Variants in MBOAT2 observed in about 807,000 individuals in gnomAD.
The protein encoded by MBOAT2 is membrane-bound glycerophospholipid O-acyltransferase 2.
MBOAT2 carries 28 observed loss-of-function variants against 63.4 expected under a neutral mutation model. The observed-to-expected ratio is 0.44, with a 90% confidence interval of 0.33 to 0.61. MBOAT2 has a LOEUF of 0.61. Among genes scored for constraint, MBOAT2 ranks in the 20% least tolerant of loss-of-function variants. MBOAT2 has a pLI of 0.03. For synonymous variants in MBOAT2, 211 were observed against 215.6 expected (o/e 0.98, Z 0.19); for missense variants, 470 against 605.8 (o/e 0.78, Z 2.35).
At chr2:8,916,848 T>C (rs982804135) in intron 3 of MBOAT2, among the ~76,000 whole-genome samples, 1 of 152,226 alleles carries the variant, frequency 6.6e-6, no homozygotes, top group Non-Finnish European at 1.5e-5. Context: ...TTTTGTTTTA[T>C]AGTGTTTTAT....
intron 4 of MBOAT2, among the ~76,000 whole-genome samples, chr2:8,895,271 CCCATTTTACAGAGTGCTGATTGGT>C (rs1376987785): frequency 1.1e-4 from 17 of 151,822 alleles, no homozygotes; most frequent in Non-Finnish European, 1.8e-4. Flanking sequence ...TGCTGATTGG[CCCATTTTACAGAGTGCTGATTGGT>C]CCATTTTACA....
chr2:8,915,320 G>A (rs937052289), intron 3 of MBOAT2, among the ~76,000 whole-genome samples: 9 of 152,038 alleles, frequency 5.9e-5, no homozygotes, highest in Admixed American at 4.6e-4. Flanking sequence ...AAAGGAAAAC[G>A]GACCCAGCTG....
chr2:8,941,666 A>G (rs940682764), intron 3 of MBOAT2, among the ~76,000 whole-genome samples: 1 of 152,150 alleles, frequency 6.6e-6, no homozygotes, highest in Non-Finnish European at 1.5e-5. Flanking sequence ...AAAAAAAAAA[A>G]AAGAAATGTG....
At chr2:8,860,545 A>G (rs536955034) in intron 12 of MBOAT2, 68 bp downstream of exon 12, 3 of 1,494,778 alleles carry the variant, frequency 2.0e-6, no homozygotes, top group South Asian at 1.2e-5. Context: ...TATTCTATCC[A>G]ATAGCAAGAA....
rs183166780 is a variant in MBOAT2, at chr2:8,890,766, C to T, written c.396-2693G>A. Among the ~76,000 whole-genome samples, 3 of 152,260 alleles carry T rather than the reference C, an allele frequency of 2.0e-5. No homozygotes were observed. In the East Asian group the frequency reaches 5.8e-4, roughly 29 times the overall value. ...AACTCCTGGGCTTAAGCGATCCACC[C>T]ACCTCAGCCTCTCAAAAGTACTGAA... On this transcript the variant is annotated intron_variant, in intron 4 of 12. Coordinates refer to ENST00000305997, the MANE Select transcript of MBOAT2 (RefSeq NM_138799.4).
chr2:8,929,409 T>G (rs1667158579), intron 3 of MBOAT2, among the ~76,000 whole-genome samples: 1 of 152,226 alleles, frequency 6.6e-6, no homozygotes, highest in Admixed American at 6.5e-5. Flanking sequence ...TGAAGTGCAG[T>G]GGCACGATCT....
intron 4 of MBOAT2, among the ~76,000 whole-genome samples, chr2:8,905,410 C>T (rs1217462168): frequency 1.3e-5 from 2 of 152,212 alleles, no homozygotes; most frequent in South Asian, 4.1e-4. Flanking sequence ...TCAGCTAATT[C>T]GACTATCTAA....
intron 1 of MBOAT2, among the ~76,000 whole-genome samples, chr2:8,960,168 GTGAATAGAA>G (rs1211997622): frequency 1.3e-5 from 2 of 152,094 alleles, no homozygotes; most frequent in Non-Finnish European, 2.9e-5. Context: ...TAAGCAAAAA[GTGAATAGAA>G]TGGAAAAATT....
chr2:8,858,062 A>G lies in MBOAT2; in HGVS notation c.*617T>C, dbSNP rs1397367839. On this transcript the variant is annotated 3_prime_UTR_variant, in exon 13 of 13. Coordinates refer to ENST00000305997, the MANE Select transcript of MBOAT2 (RefSeq NM_138799.4). Reference sequence around the variant, plus strand: ...ATCAGCTACCTATAATTTGGCGTCCATTACTGTTTACAGTTTCACTATGGA... The same window carrying G: ...ATCAGCTACCTATAATTTGGCGTCCGTTACTGTTTACAGTTTCACTATGGA... 1.3e-5 allele frequency: 2 copies of G among 152,696 alleles called. No homozygotes were observed. Among genetic ancestry groups the G allele is most frequent in the African/African-American group, 4.8e-5 (2 of 41,470 alleles). 9.5% of individuals were successfully genotyped at this position (152,696 alleles called of 1,614,324 possible).
At chr2:8,948,848 G>A (rs1164585391) in intron 2 of MBOAT2, among the ~76,000 whole-genome samples, 2 of 152,194 alleles carry the variant, frequency 1.3e-5, no homozygotes, top group Non-Finnish European at 2.9e-5. Context: ...TTTCCTTGGG[G>A]TATATACCCA....
intron 1 of MBOAT2, among the ~76,000 whole-genome samples, chr2:8,969,731 T>C (rs1466506323): frequency 6.6e-6 from 1 of 152,110 alleles, no homozygotes; most frequent in African/African-American, 2.4e-5. Context: ...TAGTCTCTGA[T>C]AAAACAGACT....
chr2:8,957,413 G>A (rs2103272504), intron 2 of MBOAT2, among the ~76,000 whole-genome samples: 1 of 152,218 alleles, frequency 6.6e-6, no homozygotes, highest in South Asian at 2.1e-4. Context: ...TATCTACCAG[G>A]GCAGTACCTA....
At chr2:8,893,033 A>G (rs997599133) in intron 4 of MBOAT2, among the ~76,000 whole-genome samples, 18 of 139,970 alleles carry the variant, frequency 1.3e-4, no homozygotes, top group Admixed American at 3.6e-4. Flanking sequence ...CTAGGTTGAA[A>G]AAAGACTGTG....
Position 8,862,543 on chromosome 2 carries a change from A to G in MBOAT2, c.1185+47T>C. 6.3e-7 allele frequency: 1 copy of G among 1,580,978 alleles called. No individual in the cohort carries two copies. The highest frequency in any genetic ancestry group is 8.6e-7 in the Non-Finnish European group (1 of 1,164,760). On this transcript the variant is annotated intron_variant, in intron 11 of 12. Coordinates refer to ENST00000305997, the MANE Select transcript of MBOAT2 (RefSeq NM_138799.4). This position sits in a 1 kb window ranked among gnomAD's most constrained non-coding sequence, Gnocchi z 4.3. ...GAGAGATGTACTCAGCCTTTTTAAC[A>G]GTTCAAGTGGACCATTGAATTGTAA...
chr2:8,949,090 T>C (rs767392305), intron 2 of MBOAT2, among the ~76,000 whole-genome samples: 1 of 152,224 alleles, frequency 6.6e-6, no homozygotes, highest in African/African-American at 2.4e-5. Flanking sequence ...TGATTAGTAA[T>C]GTGCAGTAAT....
chr2:8,926,107 C>G (rs1263608636), intron 3 of MBOAT2, among the ~76,000 whole-genome samples: 2 of 152,084 alleles, frequency 1.3e-5, no homozygotes, highest in East Asian at 3.9e-4. Context: ...TTCTTTTGTT[C>G]TTTGTTTGTT....
intron 3 of MBOAT2, among the ~76,000 whole-genome samples, chr2:8,936,947 G>GC (rs1391167956): frequency 6.6e-6 from 1 of 152,198 alleles, no homozygotes; most frequent in African/African-American, 2.4e-5. Context: ...ACATTGTGCT[G>GC]CCTTCGCCAG....
At chr2:8,867,192 T>C (rs1225637081) in intron 9 of MBOAT2, among the ~76,000 whole-genome samples, 3 of 152,166 alleles carry the variant, frequency 2.0e-5, no homozygotes, top group African/African-American at 7.2e-5. Context: ...AGTTTTTGTA[T>C]TTTTTGTAGA....
intron 9 of MBOAT2, among the ~76,000 whole-genome samples, chr2:8,865,779 G>A (rs1344733733): frequency 6.6e-6 from 1 of 152,238 alleles, no homozygotes; most frequent in Non-Finnish European, 1.5e-5. Flanking sequence ...GCTCATGCCA[G>A]TAATCCCAGC....
Sources: gnomAD v4.1 joint callset for allele counts (sites outside exome capture counted in the v4.1 genomes callset) on GRCh38, gnomAD v4.1.1 for gene constraint, Gnocchi (gnomAD v3.1) non-coding constraint, MANE v1.5 for transcripts, NCBI Gene and HGNC (gene_info 2026-07-23, HGNC 2026-07-21) for gene names.